Variants in CSNK2B observed in about 807,000 individuals in gnomAD.
CSNK2B encodes casein kinase 2 beta.
Under a neutral mutation model 28.8 loss-of-function variants are expected in CSNK2B, and 2 were observed. The observed-to-expected ratio is 0.07, with a 90% confidence interval of 0.03 to 0.22. CSNK2B has a LOEUF of 0.22. Ranked by LOEUF, CSNK2B falls within the 10% of genes least tolerant of loss-of-function variation. The pLI is 1.00. For missense variants in CSNK2B, 107 were observed against 277.9 expected, an observed-to-expected ratio of 0.39 and a Z score of 4.37; for synonymous variants, 89 against 96.1, an observed-to-expected ratio of 0.93 and a Z score of 0.43.
intron 1 of CSNK2B, chr6:31,666,463 G>A: frequency 3.5e-6 from 1 of 288,716 alleles, no homozygotes; most frequent in Non-Finnish European, 6.5e-6. Flanking sequence ...GGAAAGGCGT[G>A]GGGGTCATGC....
chr6:31,667,720 GAC>G, intron 2 of CSNK2B, 146 bp from the exon 3 acceptor site: 1 of 483,464 alleles, frequency 2.1e-6, no homozygotes, highest in East Asian at 3.3e-5. Flanking sequence ...ACTAGGGAGA[GAC>G]ACAAGTACTT....
chr6:31,668,012 ATT>A (rs760173426), intron 3 of CSNK2B, 42 bp downstream of exon 3: 1 of 1,300,222 alleles, frequency 7.7e-7, no homozygotes, highest in Non-Finnish European at 1.1e-6. Context: ...TGCGTGCACT[ATT>A]TTTCTCTTCA....
Position 31,669,034 on chromosome 6 carries a change from T to A in CSNK2B, c.292-63T>A. On this transcript the variant is annotated intron_variant, in intron 4 of 6. Transcript: ENST00000375882. This position sits in a 1 kb window ranked among gnomAD's most constrained non-coding sequence, Gnocchi z 4.8. ...GGGGACAGAGTGGTATGGGTTGGGCTGCGAAGGGAGTTGCCTCTTCTTTAC... is the reference window on the plus strand; with the variant it reads ...GGGGACAGAGTGGTATGGGTTGGGCAGCGAAGGGAGTTGCCTCTTCTTTAC... 1.6e-6 allele frequency: 2 copies of A among 1,279,292 alleles called. No homozygotes were observed. The highest frequency in any genetic ancestry group is 2.3e-6 in the Non-Finnish European group (2 of 877,744). The allele number at this position is 1,279,292 out of a possible 1,614,324, so 79.2% of individuals were successfully genotyped here.
chr6:31,668,679 C>T (rs758369913), intron 4 of CSNK2B, 25 bp downstream of exon 4: 118 of 1,590,278 alleles, frequency 7.4e-5, no homozygotes, highest in Non-Finnish European at 9.7e-5. Flanking sequence ...CTCCTACCTG[C>T]CTCCTTCTGA....
intron 2 of CSNK2B, chr6:31,667,334 G>A: frequency 2.7e-6 from 1 of 365,866 alleles, no homozygotes; most frequent in Non-Finnish European, 5.3e-6. Context: ...GTTTCACTAT[G>A]TTGGCCAGGC....
Position 31,669,283 on chromosome 6 carries a change from G to C in CSNK2B, c.368-36G>C, listed in dbSNP as rs376337507. 84 of 1,605,876 alleles carry C rather than the reference G, an allele frequency of 5.2e-5. No homozygotes were observed. The highest frequency in any genetic ancestry group is 6.4e-5 in the Non-Finnish European group (75 of 1,173,894). On this transcript the variant is annotated intron_variant, in intron 5 of 6. Coordinates refer to ENST00000375882, the MANE Select transcript of CSNK2B (RefSeq NM_001320.7). This position sits in a 1 kb window ranked among gnomAD's most constrained non-coding sequence, Gnocchi z 4.8. ...TGAGGGGAGGTTAGGTAGGAATAGG[G>C]GGATACCTGGCCTGCTGAGTCTGGC...
Position 31,669,670 on chromosome 6 carries a change from G to C in CSNK2B, c.557+162G>C, listed in dbSNP as rs541407541. ...AAGTTATTTGATTATCTGTGCTTGA[G>C]TTACCTTATTGTAGAATGTTCTTGA... On this transcript the variant is annotated intron_variant, in intron 6 of 6. Coordinates refer to ENST00000375882, the MANE Select transcript of CSNK2B (RefSeq NM_001320.7). This position sits in a 1 kb window ranked among gnomAD's most constrained non-coding sequence, Gnocchi z 4.8. Among the ~76,000 whole-genome samples, 10 of 152,378 alleles carry C rather than the reference G, an allele frequency of 6.6e-5. No individual in the cohort carries two copies. In the East Asian group the frequency reaches 1.9e-3, roughly 29 times the overall value.
chr6:31,668,741 T>G (rs766926459), intron 4 of CSNK2B, 87 bp downstream of exon 4: 3 of 1,245,918 alleles, frequency 2.4e-6, no homozygotes, highest in South Asian at 2.4e-5. Flanking sequence ...AAGCCCTGTT[T>G]AAGGAAGCTA....
chr6:31,668,935 AAG>A, intron 4 of CSNK2B, 160 bp from the exon 5 acceptor site: 1 of 627,404 alleles, frequency 1.6e-6, no homozygotes, highest in African/African-American at 1.8e-5. Flanking sequence ...GCCTAATTGG[AAG>A]AAAGGCAACA....
In CSNK2B at chr6:31,666,212, A is replaced by G; in HGVS notation, c.-12+4A>G. 1.0e-6 allele frequency: 1 copy of G among 990,600 alleles called. No homozygotes were observed. Among genetic ancestry groups the G allele is most frequent in the Non-Finnish European group, 1.2e-6 (1 of 832,064 alleles). The allele number at this position is 990,600 out of a possible 1,614,324, so 61.4% of individuals were successfully genotyped here. A position where few individuals can be genotyped will look rare whatever the true frequency, so the allele number is the denominator to read the frequency against. On this transcript the variant is annotated splice_donor_region_variant and intron_variant, in intron 1 of 6. Transcript: ENST00000375882. ...AGTCCTGGTCCCCGTCCAGCCGGTGAGTCTGAAGTCGTCGCTGCTCCGAGT... is the reference window on the plus strand; with the variant it reads ...AGTCCTGGTCCCCGTCCAGCCGGTGGGTCTGAAGTCGTCGCTGCTCCGAGT...
chr6:31,668,083 C>T (rs1448895613), intron 3 of CSNK2B, 113 bp downstream of exon 3: 1 of 758,630 alleles, frequency 1.3e-6, no homozygotes, highest in Non-Finnish European at 2.3e-6. Context: ...TTTCTTTAAC[C>T]CCAAATTCAT....
At position 31,669,888 on chromosome 6, in the gene CSNK2B, G is replaced by A. The variant is rs767833379; in HGVS notation, c.610G>A (p.Ala204Thr). ...GGCCTACCAGCTGCAGCTCCAAGCCGCCAGCAACTTCAAGAGCCCAGTCAA... is the reference window on the plus strand; with the variant it reads ...GGCCTACCAGCTGCAGCTCCAAGCCACCAGCAACTTCAAGAGCCCAGTCAA... ...PMAYQLQLQAASNFKSPVKTI... is the reference protein window; with the variant it reads ...PMAYQLQLQATSNFKSPVKTI... The change falls in exon 7 of 7, where the codon GCC becomes ACC. Residue 204 changes from alanine (A) to threonine (T), a missense_variant. Transcript: ENST00000375882. This position sits in a 1 kb window ranked among gnomAD's most constrained non-coding sequence, Gnocchi z 4.8. 3 of 1,612,874 alleles carry A rather than the reference G, an allele frequency of 1.9e-6. No individual in the cohort carries two copies. The highest frequency in any genetic ancestry group is 2.2e-5 in the South Asian group (2 of 91,056).
In CSNK2B at chr6:31,668,526, G is replaced by A. The variant is rs775466952; in HGVS notation, c.176-13G>A. ...AAAAACAAGTAGTTGCATTTGGCCG[G>A]GCTGTGTTTCAGATGAAGAACTGGA... On this transcript the variant is annotated splice_polypyrimidine_tract_variant and intron_variant, in intron 3 of 6. Transcript: ENST00000375882. 6.2e-7 allele frequency: 1 copy of A among 1,611,044 alleles called. No individual in the cohort carries two copies. Among genetic ancestry groups the A allele is most frequent in the East Asian group, 2.2e-5 (1 of 44,872 alleles).
At position 31,669,623 on chromosome 6, in the gene CSNK2B, T is replaced by G; in HGVS notation, c.557+115T>G. ...CTGCTTCTCCCAGAATCAGGGCATC[T>G]CCCTGCTGAGTGACTGTGGGAAAGT... On this transcript the variant is annotated intron_variant, in intron 6 of 6. Coordinates refer to ENST00000375882, the MANE Select transcript of CSNK2B (RefSeq NM_001320.7). The surrounding 1 kb of genome is among the most constrained non-coding windows in gnomAD (Gnocchi z 4.8). 1 of 1,208,956 alleles carries G rather than the reference T, an allele frequency of 8.3e-7. No individual in the cohort carries two copies. The highest frequency in any genetic ancestry group is 1.2e-6 in the Non-Finnish European group (1 of 861,868). 74.9% of individuals were successfully genotyped at this position (1,208,956 alleles called of 1,614,324 possible). A position where few individuals can be genotyped will look rare whatever the true frequency, so the allele number is the denominator to read the frequency against.
At chr6:31,668,306 G>A (rs149642695) in intron 3 of CSNK2B, 91 of 601,008 alleles carry the variant, frequency 1.5e-4, no homozygotes, top group African/African-American at 1.4e-3. Flanking sequence ...GAGGGAGTTG[G>A]GAGGGAGAGC....
rs748405001 is a variant in CSNK2B, at chr6:31,668,674, A to G, written c.291+20A>G. 2 of 1,599,888 alleles carry G rather than the reference A, an allele frequency of 1.3e-6. No individual in the cohort carries two copies. Among genetic ancestry groups the G allele is most frequent in the African/African-American group, 1.3e-5 (1 of 74,612 alleles). On this transcript the variant is annotated intron_variant, in intron 4 of 6. Coordinates refer to ENST00000375882, the MANE Select transcript of CSNK2B (RefSeq NM_001320.7). ...CAGATGGTGAGGCCTCTCTGCTCCT[A>G]CCTGCCTCCTTCTGAGCAGTAAGAG...
At chr6:31,668,035 C>A in intron 3 of CSNK2B, 65 bp downstream of exon 3, 1 of 1,107,292 alleles carries the variant, frequency 9.0e-7, no homozygotes, top group Non-Finnish European at 1.4e-6. Flanking sequence ...AATCTCTATT[C>A]ACTTGCCTGA....
chr6:31,668,468 C>G, intron 3 of CSNK2B, 71 bp from the exon 4 acceptor site: 1 of 1,356,734 alleles, frequency 7.4e-7, no homozygotes, highest in East Asian at 2.3e-5. Flanking sequence ...AGCCCGCAGC[C>G]CCTGGATATG....
intron 2 of CSNK2B, 129 bp downstream of exon 2, chr6:31,667,032 C>A: frequency 2.4e-6 from 2 of 821,732 alleles, no homozygotes; most frequent in Non-Finnish European, 4.1e-6. Flanking sequence ...AAAGAGTCCC[C>A]CCTATAAACC....
Sources: gnomAD v4.1 joint callset for allele counts (sites outside exome capture counted in the v4.1 genomes callset) on GRCh38, gnomAD v4.1.1 for gene constraint, Gnocchi (gnomAD v3.1) non-coding constraint, MANE v1.5 for transcripts, NCBI Gene and HGNC (gene_info 2026-07-23, HGNC 2026-07-21) for gene names.